The following CDKN2A variants were observed in gnomAD, a reference collection of about 807,000 sequenced individuals.
CDKN2A encodes the protein cyclin dependent kinase inhibitor 2A.
In CDKN2A, 3 loss-of-function variants were observed where a neutral mutation model predicts 11.1. That is an observed-to-expected ratio of 0.27 (90% CI 0.12 to 0.70). The LOEUF (loss-of-function observed/expected upper bound fraction) is 0.70. Among genes scored for constraint, CDKN2A ranks in the 30% least tolerant of loss-of-function variants. The pLI is 0.77. For missense variants in CDKN2A, 265 were observed against 233.6 expected, an observed-to-expected ratio of 1.13 and a Z score of -0.88; for synonymous variants, 122 against 108.1, an observed-to-expected ratio of 1.13 and a Z score of -0.80.
intron 1 of CDKN2A, among the ~76,000 whole-genome samples, chr9:21,972,389 A>G (rs537211219): frequency 6.6e-6 from 1 of 152,302 alleles, no homozygotes; most frequent in South Asian, 2.1e-4. Context: ...CATAACCCCA[A>G]GTGTTTTTAT....
exon 2 of CDKN2A, chr9:21,994,011 G>A (rs1820516392): frequency 9.6e-7 from 1 of 1,037,698 alleles, no homozygotes; most frequent in Non-Finnish European, 1.4e-6. Context: ...CCCGAATGGG[G>A]AAGCCTCCAC....
Position 21,971,162 on chromosome 9 carries a change from T to C in CDKN2A, c.197A>G (p.His66Arg), listed in dbSNP as rs756750256. The change falls in exon 2 of 3, where the codon CAC becomes CGC. Residue 66 changes from histidine to arginine, a missense_variant. Coordinates refer to ENST00000304494, the MANE Select transcript of CDKN2A (RefSeq NM_000077.5). ...GTCGGCGCAGTTGGGCTCCGCGCCG[T>C]GGAGCAGCAGCAGCTCCGCCACTCG... ...SARVAELLLL[H>R]GAEPNCADPA... is the part of the protein sequence containing the mutation. 1.9e-4 allele frequency: 303 copies of C among 1,594,708 alleles called. 2 individuals carry two copies. The East Asian group carries it at 6.7e-3, about 35-fold the overall frequency.
At chr9:21,978,236 G>GTGCACA (rs1406456923), upstream of CDKN2A, among the ~76,000 whole-genome samples, 1 of 151,848 alleles carries the variant, frequency 6.6e-6, no homozygotes, top group African/African-American at 2.4e-5. Flanking sequence ...CCTGCACATT[G>GTGCACA]TGCACATGTA....
chr9:21,968,357 T>C lies in CDKN2A; in HGVS notation c.458-115A>G. 1 of 1,514,336 alleles carries C rather than the reference T, an allele frequency of 6.6e-7. No individual in the cohort carries two copies. The highest frequency in any genetic ancestry group is 9.0e-7 in the Non-Finnish European group (1 of 1,106,162). The allele number at this position is 1,514,336 out of a possible 1,614,324, so 93.8% of individuals were successfully genotyped here. A position where few individuals can be genotyped will look rare whatever the true frequency, so the allele number is the denominator to read the frequency against. ...GCATTGAAATACTTATGGATAAAGT[T>C]CTCGCAATGGCTTCACGTGCATGTA... On this transcript the variant is annotated intron_variant, in intron 2 of 2. Transcript: ENST00000304494. The surrounding 1 kb of genome is among the most constrained non-coding windows in gnomAD (Gnocchi z 4.7).
chr9:21,976,453 C>T (rs187846991), upstream of CDKN2A, among the ~76,000 whole-genome samples: 1 of 151,530 alleles, frequency 6.6e-6, no homozygotes, highest in Admixed American at 6.6e-5. Flanking sequence ...CGGTGGCTCA[C>T]GTCTATAATC....
At chr9:21,994,411 C>T in intron 1 of CDKN2A, 1 of 1,605,876 alleles carries the variant, frequency 6.2e-7, no homozygotes, top group Non-Finnish European at 8.5e-7. Context: ...CCACTCCTGC[C>T]CCCTTAACTG....
chr9:21,977,548 T>C (rs1820068829), upstream of CDKN2A, among the ~76,000 whole-genome samples: 1 of 152,150 alleles, frequency 6.6e-6, no homozygotes, highest in South Asian at 2.1e-4. Context: ...GTATTATTAG[T>C]AGAGACGGGG....
Position 21,991,763 on chromosome 9 carries a change from C to T in CDKN2A, c.-4+2119G>A. ...GGACTTTCTAAAATTCAAGAGTACT[C>T]AAAGAAGTAAAATGAATATAAGTCT... On this transcript the variant is annotated intron_variant, in intron 2 of 3. Transcript: ENST00000494262. This position sits in a 1 kb window ranked among gnomAD's most constrained non-coding sequence, Gnocchi z 5.2. 1 of 985,052 alleles carries T rather than the reference C, an allele frequency of 1.0e-6. No homozygotes were observed. The highest frequency in any genetic ancestry group is 1.2e-6 in the Non-Finnish European group (1 of 829,730). 61.0% of individuals were successfully genotyped at this position (985,052 alleles called of 1,614,324 possible). A position where few individuals can be genotyped will look rare whatever the true frequency, so the allele number is the denominator to read the frequency against.
At chr9:21,987,428 CACACAGAGAGAGAGAGAG>C (rs995524064) in intron 2 of CDKN2A, among the ~76,000 whole-genome samples, 4 of 121,140 alleles carry the variant, frequency 3.3e-5, no homozygotes, top group African/African-American at 9.4e-5. Context: ...CACACACACA[CACACAGAGAGAGAGAGAG>C]AGAGAGAGAG....
rs1477933509 is a variant in CDKN2A at position 21,995,078 on chromosome 9, C to T, written c.-433G>A. ...GAAAACAAGCGAAATTAAACTAAAC[C>T]GCTGCACGCCTCTGACGCGACATCT... On this transcript the variant is annotated 5_prime_UTR_variant, in exon 1 of 4. Transcript: ENST00000494262. This position sits in a 1 kb window ranked among gnomAD's most constrained non-coding sequence, Gnocchi z 5.7. 6.6e-6 allele frequency: 1 copy of T among 152,186 alleles called. No individual in the cohort carries two copies. The highest frequency in any genetic ancestry group is 1.9e-4 in the East Asian group (1 of 5,170). 9.4% of individuals were successfully genotyped at this position (152,186 alleles called of 1,614,324 possible).
intron 2 of CDKN2A, among the ~76,000 whole-genome samples, chr9:21,983,757 A>AC (rs1820245148): frequency 6.6e-6 from 1 of 152,044 alleles, no homozygotes; most frequent in South Asian, 2.1e-4. Flanking sequence ...CTATGGCCAC[A>AC]GCTACTTAAT....
chr9:21,976,929 T>C (rs1820052369), upstream of CDKN2A, among the ~76,000 whole-genome samples: 1 of 152,248 alleles, frequency 6.6e-6, no homozygotes, highest in African/African-American at 2.4e-5. Flanking sequence ...AAAAAATGGA[T>C]TGCTCAGACT....
rs876658436 is a variant in CDKN2A at position 21,994,302 on chromosome 9, C to T, written c.-175-249G>A. 1.9e-6 allele frequency: 3 copies of T among 1,604,944 alleles called. No individual in the cohort carries two copies. The highest frequency in any genetic ancestry group is 2.6e-6 in the Non-Finnish European group (3 of 1,176,434). On this transcript the variant is annotated intron_variant, in intron 1 of 3. Coordinates refer to the CDKN2A transcript ENST00000494262. ...GCGGCGGGCCGCACGCGCGCCGAAT[C>T]CGGAGGGTCACCAAGAACCTGCGCA...
intron 1 of CDKN2A, among the ~76,000 whole-genome samples, chr9:21,973,389 A>C (rs1402912560): frequency 1.3e-5 from 2 of 152,266 alleles, no homozygotes; most frequent in African/African-American, 2.4e-5. Flanking sequence ...TTCTAAGCCA[A>C]CATCATTTCC....
chr9:21,994,562 A>T (rs1295603119), intron 1 of CDKN2A: 2 of 1,092,270 alleles, frequency 1.8e-6, no homozygotes, highest in African/African-American at 1.7e-5. Context: ...AGATCTCGGA[A>T]CGGCTCTGAG....
At chr9:21,980,259 T>A (rs1044202587) in intron 2 of CDKN2A, among the ~76,000 whole-genome samples, 1 of 152,236 alleles carries the variant, frequency 6.6e-6, no homozygotes. Flanking sequence ...CATATTTCTT[T>A]ACCAGTTTCA....
intron 2 of CDKN2A, among the ~76,000 whole-genome samples, chr9:21,993,475 C>T (rs1465137245): frequency 1.3e-5 from 2 of 152,182 alleles, no homozygotes; most frequent in South Asian, 2.1e-4. Context: ...AGCATTGTCC[C>T]GAGCAGTTTC....
At chr9:21,976,096 G>T (rs572370525), upstream of CDKN2A, among the ~76,000 whole-genome samples, 16 of 152,126 alleles carry the variant, frequency 1.1e-4, no homozygotes, top group African/African-American at 3.6e-4. Flanking sequence ...AAATGCTTTG[G>T]AGCAGGACGC....
intron 2 of CDKN2A, among the ~76,000 whole-genome samples, chr9:21,981,384 A>T (rs1433499585): frequency 2.0e-5 from 3 of 151,420 alleles, no homozygotes; most frequent in Non-Finnish European, 4.4e-5. Flanking sequence ...AATTAAAGAG[A>T]ATTCCTTAGG....
Sources: allele counts gnomAD v4.1 joint callset (sites outside exome capture counted in the v4.1 genomes callset), GRCh38; gene constraint gnomAD v4.1.1; non-coding constraint Gnocchi (gnomAD v3.1); transcripts MANE v1.5; gene names NCBI Gene and HGNC (gene_info 2026-07-23, HGNC 2026-07-21).